EPB41L4B: variants seen among roughly 807,000 people sequenced by gnomAD.
EPB41L4B encodes the protein band 4.1-like protein 4B.
Under a neutral mutation model 112.5 loss-of-function variants are expected in EPB41L4B, and 30 were observed. The ratio of observed to expected loss-of-function variants is 0.27; its 90% CI spans 0.20 to 0.36. EPB41L4B has a LOEUF of 0.36. EPB41L4B is among the 10% of genes least tolerant of loss of function. The pLI, the probability that EPB41L4B is intolerant of heterozygous loss-of-function variation, is 1.00. For synonymous variants in EPB41L4B, 408 were observed against 439.7 expected (o/e 0.93, Z 0.90); for missense variants, 1,024 against 1,133.3 (o/e 0.90, Z 1.38).
At chr9:109,196,526 T>G (rs1001510352) in intron 20 of EPB41L4B, among the ~76,000 whole-genome samples, 23 of 152,100 alleles carry the variant, frequency 1.5e-4, no homozygotes, top group Non-Finnish European at 2.6e-4. Context: ...GAGACCAGCC[T>G]GGGCAACATG....
At chr9:109,201,449 CAAAA>C (rs563680101) in intron 19 of EPB41L4B, among the ~76,000 whole-genome samples, 1 of 59,410 alleles carries the variant, frequency 1.7e-5, no homozygotes. Context: ...GACCCTGTCT[CAAAA>C]AAAAAAAAAA....
intron 1 of EPB41L4B, among the ~76,000 whole-genome samples, chr9:109,283,859 G>A (rs1014149454): frequency 3.3e-5 from 5 of 151,862 alleles, no homozygotes; most frequent in African/African-American, 9.7e-5. Flanking sequence ...GGCTTAGGCT[G>A]GAGGATTGCT....
intron 1 of EPB41L4B, among the ~76,000 whole-genome samples, chr9:109,281,348 T>C (rs1408396694): frequency 1.3e-5 from 2 of 152,120 alleles, no homozygotes; most frequent in Admixed American, 1.3e-4. Context: ...GCATCACTAG[T>C]CATGAGGGAA....
At chr9:109,243,005 T>C (rs1000884516) in intron 15 of EPB41L4B, among the ~76,000 whole-genome samples, 1 of 151,988 alleles carries the variant, frequency 6.6e-6, no homozygotes, top group South Asian at 2.1e-4. Context: ...ATCAGTTTCA[T>C]TGAAGCACAG....
At chr9:109,291,023 T>C (rs888737635) in intron 1 of EPB41L4B, among the ~76,000 whole-genome samples, 1 of 152,174 alleles carries the variant, frequency 6.6e-6, no homozygotes, top group Non-Finnish European at 1.5e-5. Context: ...ACTGGACTTA[T>C]GGCCAGGCTG....
intron 16 of EPB41L4B, among the ~76,000 whole-genome samples, chr9:109,214,914 G>A (rs1354495097): frequency 3.3e-5 from 5 of 152,308 alleles, no homozygotes; most frequent in South Asian, 2.1e-4. Flanking sequence ...GTCCTGGAGC[G>A]GGTGCCCCTT....
At chr9:109,233,707 T>C (rs1834035244) in intron 15 of EPB41L4B, among the ~76,000 whole-genome samples, 1 of 152,108 alleles carries the variant, frequency 6.6e-6, no homozygotes, top group South Asian at 2.1e-4. Flanking sequence ...ATTGTTTGTA[T>C]TTTTAGCAGA....
intron 3 of EPB41L4B, among the ~76,000 whole-genome samples, chr9:109,268,090 G>T (rs1192907000): frequency 6.6e-6 from 1 of 152,210 alleles, no homozygotes; most frequent in Non-Finnish European, 1.5e-5. Context: ...CTCATTAGAA[G>T]TAGATATAAT....
chr9:109,244,851 TC>T (rs1834491316), intron 14 of EPB41L4B, among the ~76,000 whole-genome samples: 1 of 152,164 alleles, frequency 6.6e-6, no homozygotes, highest in African/African-American at 2.4e-5. Context: ...AATTATTTCT[TC>T]CCCTCCTTCT....
chr9:109,191,127 C>T (rs1832445152), intron 22 of EPB41L4B, among the ~76,000 whole-genome samples: 1 of 152,146 alleles, frequency 6.6e-6, no homozygotes, highest in South Asian at 2.1e-4. Context: ...GTCCCCTCTT[C>T]CCTTCTAGGA....
At chr9:109,219,424 G>T (rs1016763391) in intron 15 of EPB41L4B, among the ~76,000 whole-genome samples, 1 of 152,054 alleles carries the variant, frequency 6.6e-6, no homozygotes, top group African/African-American at 2.4e-5. Context: ...GCAGTGGCGC[G>T]ATCTCAGCTC....
At chr9:109,255,179 T>C (rs1588175444) in intron 11 of EPB41L4B, among the ~76,000 whole-genome samples, 1 of 152,376 alleles carries the variant, frequency 6.6e-6, no homozygotes, top group East Asian at 1.9e-4. Flanking sequence ...TCTTGGCCGC[T>C]TGAAATATGA....
intron 1 of EPB41L4B, among the ~76,000 whole-genome samples, chr9:109,283,519 G>A (rs1346721430): frequency 1.3e-5 from 2 of 152,046 alleles, no homozygotes; most frequent in Non-Finnish European, 2.9e-5. Flanking sequence ...CCACAGGGAC[G>A]CAGAACCACG....
intron 23 of EPB41L4B, among the ~76,000 whole-genome samples, chr9:109,183,281 G>T (rs991607571): frequency 2.0e-5 from 3 of 152,150 alleles, no homozygotes; most frequent in African/African-American, 7.2e-5. Flanking sequence ...GGCTAATTAA[G>T]CTAGAAAGTA....
At chr9:109,313,047 C>G (rs1043654898) in intron 1 of EPB41L4B, among the ~76,000 whole-genome samples, 1 of 152,084 alleles carries the variant, frequency 6.6e-6, no homozygotes, top group Non-Finnish European at 1.5e-5. Context: ...TCCAGGCCAG[C>G]CTGGGCAATA....
chr9:109,230,130 C>T (rs554722368), intron 15 of EPB41L4B, among the ~76,000 whole-genome samples: 2 of 152,242 alleles, frequency 1.3e-5, no homozygotes, highest in South Asian at 4.2e-4. Context: ...AGTACTTCAC[C>T]ATCAGTTAAC....
At chr9:109,248,093 G>A (rs1834630503) in intron 13 of EPB41L4B, among the ~76,000 whole-genome samples, 1 of 152,188 alleles carries the variant, frequency 6.6e-6, no homozygotes, top group African/African-American at 2.4e-5. Context: ...TTTCAGTTGG[G>A]CAAACCAAGT....
At chr9:109,317,025 C>T (rs766055503) in intron 1 of EPB41L4B, among the ~76,000 whole-genome samples, 3 of 152,136 alleles carry the variant, frequency 2.0e-5, no homozygotes, top group African/African-American at 4.8e-5. Context: ...GGATTGCTTG[C>T]GGCTAGGAGA....
At chr9:109,214,537 G>C (rs1184908383) in intron 16 of EPB41L4B, among the ~76,000 whole-genome samples, 3 of 152,208 alleles carry the variant, frequency 2.0e-5, no homozygotes, top group Non-Finnish European at 2.9e-5. Context: ...ACGGAACTGA[G>C]GATGGGTGTT....
Sources: gnomAD v4.1 joint callset for allele counts (sites outside exome capture counted in the v4.1 genomes callset) on GRCh38, gnomAD v4.1.1 for gene constraint, MANE v1.5 for transcripts, NCBI Gene and HGNC (gene_info 2026-07-23, HGNC 2026-07-21) for gene names.